GPRC5A: variants seen among roughly 807,000 people sequenced by gnomAD.
The protein encoded by GPRC5A is retinoic acid-induced protein 3.
Under a neutral mutation model 22.5 loss-of-function variants are expected in GPRC5A, and 19 were observed. The ratio of observed to expected loss-of-function variants is 0.85; its 90% CI spans 0.59 to 1.24. The LOEUF (loss-of-function observed/expected upper bound fraction) is 1.24. Among genes scored for constraint, GPRC5A ranks in the 50% most tolerant of loss-of-function variants. GPRC5A has a pLI of 0.00. For synonymous variants in GPRC5A, 192 were observed against 184.5 expected (o/e 1.04, Z -0.33); for missense variants, 471 against 451.1 (o/e 1.04, Z -0.40).
intron 2 of GPRC5A, 37 bp from the exon 3 acceptor site, chr12:12,912,047 C>T (rs1330785712): frequency 1.4e-6 from 2 of 1,475,502 alleles, no homozygotes; most frequent in Non-Finnish European, 9.5e-7. Context: ...TAGGTGGGGG[C>T]CCCAGTGGTT....
At chr12:12,911,157 C>T (rs1863999991) in intron 2 of GPRC5A, among the ~76,000 whole-genome samples, 1 of 152,102 alleles carries the variant, frequency 6.6e-6, no homozygotes, top group South Asian at 2.1e-4. Context: ...AGGCATGAGC[C>T]ACCGTGCCCA....
intron 1 of GPRC5A, among the ~76,000 whole-genome samples, chr12:12,894,782 T>TTC (rs1323561409): frequency 9.9e-4 from 132 of 133,104 alleles, no homozygotes; most frequent in African/African-American, 3.4e-3. Context: ...GTTTTTTTTT[T>TTC]TTTTTTTTTT....
At chr12:12,902,642 C>T (rs1454393274) in intron 1 of GPRC5A, among the ~76,000 whole-genome samples, 6 of 151,916 alleles carry the variant, frequency 3.9e-5, no homozygotes, top group East Asian at 1.9e-4. Flanking sequence ...TGGTGGCATG[C>T]GCTTGTAGTT....
At chr12:12,904,691 C>T (rs1287633439) in intron 1 of GPRC5A, among the ~76,000 whole-genome samples, 1 of 152,046 alleles carries the variant, frequency 6.6e-6, no homozygotes, top group Non-Finnish European at 1.5e-5. Flanking sequence ...TAAGCTATAT[C>T]TGGTGTCACT....
At chr12:12,906,250 G>A (rs1863939908) in intron 1 of GPRC5A, among the ~76,000 whole-genome samples, 1 of 152,202 alleles carries the variant, frequency 6.6e-6, no homozygotes, top group Admixed American at 6.5e-5. Flanking sequence ...AATGAAGTAA[G>A]TAATGTATAT....
At chr12:12,899,684 G>A (rs1220811968) in intron 1 of GPRC5A, among the ~76,000 whole-genome samples, 1 of 152,182 alleles carries the variant, frequency 6.6e-6, no homozygotes, top group African/African-American at 2.4e-5. Context: ...GACTCAGGAG[G>A]TGACAGTAGC....
rs536818824 is a variant in GPRC5A, at chr12:12,913,724, C to G, written c.*1185C>G. 1 of 152,380 alleles carries G rather than the reference C, an allele frequency of 6.6e-6. No individual in the cohort carries two copies. Among genetic ancestry groups the G allele is most frequent in the Non-Finnish European group, 1.5e-5 (1 of 68,052 alleles). The allele number at this position is 152,380 out of a possible 1,614,324, so 9.4% of individuals were successfully genotyped here. A position where few individuals can be genotyped will look rare whatever the true frequency, so the allele number is the denominator to read the frequency against. On this transcript the variant is annotated 3_prime_UTR_variant, in exon 4 of 4. Coordinates refer to ENST00000014914, the MANE Select transcript of GPRC5A (RefSeq NM_003979.4). ...CTGCCCTGAGAGCTTCATGTTGGAGCTGAAGTTCAAGGTTCACTTCCTTTG... is the reference window on the plus strand; with the variant it reads ...CTGCCCTGAGAGCTTCATGTTGGAGGTGAAGTTCAAGGTTCACTTCCTTTG...
chr12:12,900,914 CAAAAAAAA>C (rs55937595), intron 1 of GPRC5A, among the ~76,000 whole-genome samples: 1,758 of 89,792 alleles, frequency 0.02, 63 homozygotes, highest in African/African-American at 0.077. Flanking sequence ...AAAAAAAAAA[CAAAAAAAA>C]AACAACCCAG....
intron 1 of GPRC5A, among the ~76,000 whole-genome samples, chr12:12,905,697 C>T (rs1041823389): frequency 5.3e-5 from 8 of 152,096 alleles, no homozygotes; most frequent in Non-Finnish European, 1.2e-4. Flanking sequence ...ATTTATCTTC[C>T]CACTTGTGCC....
chr12:12,898,280 C>T (rs1291656414), intron 1 of GPRC5A, among the ~76,000 whole-genome samples: 2 of 152,200 alleles, frequency 1.3e-5, no homozygotes, highest in African/African-American at 4.8e-5. Context: ...TGCCTGTAAT[C>T]CCAGTACTTT....
chr12:12,898,139 G>C (rs920317988), intron 1 of GPRC5A, among the ~76,000 whole-genome samples: 5 of 152,196 alleles, frequency 3.3e-5, no homozygotes, highest in African/African-American at 1.2e-4. Context: ...TGGCTTTTAA[G>C]AGTCATGTAA....
intron 1 of GPRC5A, among the ~76,000 whole-genome samples, chr12:12,903,103 C>A (rs1863906835): frequency 6.6e-6 from 1 of 151,934 alleles, no homozygotes; most frequent in African/African-American, 2.4e-5. Context: ...AATACACATA[C>A]TATTTATAGA....
intron 1 of GPRC5A, among the ~76,000 whole-genome samples, chr12:12,898,871 A>G (rs1237587511): frequency 6.6e-6 from 1 of 152,196 alleles, no homozygotes; most frequent in African/African-American, 2.4e-5. Context: ...CTAAAGCATT[A>G]AACATTAAAA....
Position 12,908,760 on chromosome 12 carries a change from C to G in GPRC5A, c.511C>G (p.Pro171Ala), listed in dbSNP as rs778793935. Reference sequence around the variant, plus strand: ...CAATGTCTTTTCTGAGCTTTCCGCTCCTCGTCGCAATGAAGACTTTGTCCT... The same window carrying G: ...CAATGTCTTTTCTGAGCTTTCCGCTGCTCGTCGCAATGAAGACTTTGTCCT... ...NVNVFSELSA[P>A]RRNEDFVLLL... is the part of the protein sequence containing the mutation. Residue 171 changes from proline (P) to alanine (A), a missense_variant, in exon 2 of 4, where the codon CCT becomes GCT. Coordinates refer to ENST00000014914, the MANE Select transcript of GPRC5A (RefSeq NM_003979.4). The G allele has an allele frequency of 1.3e-5, 21 of 1,614,098 alleles. No individual in the cohort carries two copies. Among genetic ancestry groups the G allele is most frequent in the Non-Finnish European group, 8.5e-7 (1 of 1,180,026 alleles).
intron 2 of GPRC5A, 148 bp from the exon 3 acceptor site, chr12:12,911,936 C>A (rs967429247): frequency 7.9e-6 from 5 of 629,162 alleles, no homozygotes; most frequent in Non-Finnish European, 1.4e-5. Context: ...GGCTTGAGGA[C>A]CTAGTCTCTG....
intron 1 of GPRC5A, among the ~76,000 whole-genome samples, chr12:12,907,414 A>AG (rs1555105190): frequency 2.0e-5 from 3 of 150,772 alleles, no homozygotes; most frequent in Non-Finnish European, 2.9e-5. Context: ...AAAAAAAAAA[A>AG]AGAGAGAGAA....
chr12:12,893,335 A>G (rs889796282), intron 1 of GPRC5A, among the ~76,000 whole-genome samples: 4 of 152,232 alleles, frequency 2.6e-5, no homozygotes, highest in African/African-American at 9.6e-5. Context: ...ACAACAGGGT[A>G]TGAAGAACAA....
chr12:12,911,613 C>T (rs748076487), intron 2 of GPRC5A, among the ~76,000 whole-genome samples: 2 of 152,062 alleles, frequency 1.3e-5, no homozygotes, highest in South Asian at 4.2e-4. Context: ...CTCAGCCTCC[C>T]GAGTAGCTGG....
At position 12,914,814 on chromosome 12, in the gene GPRC5A, T is replaced by A. The variant is rs1307149987; in HGVS notation, c.*2275T>A. The A allele has an allele frequency of 6.6e-6, 1 of 151,648 alleles. No homozygotes were observed. The highest frequency in any genetic ancestry group is 1.5e-5 in the Non-Finnish European group (1 of 68,010). The allele number at this position is 151,648 out of a possible 1,614,324, so 9.4% of individuals were successfully genotyped here. ...TTTGTATTTTTAGTACAGACGAGGT[T>A]TCACCATGTTGACCAGGCTGGTCTT... On this transcript the variant is annotated 3_prime_UTR_variant, in exon 4 of 4. Transcript: ENST00000014914.
Sources: allele counts gnomAD v4.1 joint callset (sites outside exome capture counted in the v4.1 genomes callset), GRCh38; gene constraint gnomAD v4.1.1; transcripts MANE v1.5; gene names NCBI Gene and HGNC (gene_info 2026-07-23, HGNC 2026-07-21).